SAFB2: variants seen among roughly 807,000 people sequenced by gnomAD.
SAFB2 encodes the protein scaffold attachment factor B2.
A neutral mutation model predicts 100.6 loss-of-function variants in SAFB2; 32 were observed. The ratio of observed to expected loss-of-function variants is 0.32; its 90% CI spans 0.24 to 0.43. The LOEUF (loss-of-function observed/expected upper bound fraction) is 0.43, where lower values mean the gene tolerates loss of function less well. Ranked by LOEUF, SAFB2 falls within the 20% of genes least tolerant of loss-of-function variation. The pLI, the probability that SAFB2 is intolerant of heterozygous loss-of-function variation, is 1.00. For missense variants in SAFB2, 1,185 were observed against 1,163.4 expected (o/e 1.02, Z -0.27); for synonymous variants, 500 against 439.4 (o/e 1.14, Z -1.72).
At chr19:5,615,978 C>T in intron 4 of SAFB2, 154 bp downstream of exon 4, 2 of 654,396 alleles carry the variant, frequency 3.1e-6, no homozygotes, top group Non-Finnish European at 5.3e-6. Flanking sequence ...CTGAGCTACA[C>T]AGCGTTTAAA....
rs1257224485 is a variant in SAFB2, at chr19:5,616,169, T to C, written c.506A>G (p.Gln169Arg). The change falls in exon 4 of 21, where the codon CAG becomes CGG. Residue 169 changes from glutamine to arginine, a missense_variant. Coordinates refer to ENST00000252542, the MANE Select transcript of SAFB2 (RefSeq NM_014649.3). ...FCDSKEYVAA[Q>R]LRQLPAQPPE... ...GGGCTGAGCCGGGAGCTGTCTCAGC[T>C]GTGCAGCCACGTATTCTTTACTATC... 5 of 1,614,244 alleles carry C rather than the reference T, an allele frequency of 3.1e-6. No homozygotes were observed. The highest frequency in any genetic ancestry group is 4.2e-6 in the Non-Finnish European group (5 of 1,180,042).
chr19:5,609,900 A>G (rs1328076995), intron 9 of SAFB2, 95 bp downstream of exon 9: 8 of 1,097,788 alleles, frequency 7.3e-6, no homozygotes, highest in Non-Finnish European at 1.1e-5. Context: ...AGCCTCCCAA[A>G]CTGCTGGGAT....
rs200845160 is a variant in SAFB2 at position 5,610,665 on chromosome 19, A to T, written c.1169T>A (p.Ile390Lys). Residue 390 changes from isoleucine to lysine, a missense_variant, in exon 8 of 21, where the codon ATA (isoleucine) becomes AAA (lysine). Transcript: ENST00000252542. ...KMSSFKEEKDIKPIIKDEKGR... is the reference protein window; with the variant it reads ...KMSSFKEEKDKKPIIKDEKGR... ...TTTTTCATCTTTAATGATTGGCTTTATATCTTTTTCTTCCTTAAAAGAGCT... is the reference window on the plus strand; with the variant it reads ...TTTTTCATCTTTAATGATTGGCTTTTTATCTTTTTCTTCCTTAAAAGAGCT... 3 of 1,571,826 alleles carry T rather than the reference A, an allele frequency of 1.9e-6. No individual in the cohort carries two copies. The highest frequency in any genetic ancestry group is 2.7e-5 in the African/African-American group (2 of 73,852).
rs2052267433 is a variant in SAFB2, at chr19:5,587,123, A to G, written c.*120T>C. ...AAAAAAGTGAGTTCACATTGTATTG[A>G]GCTACAACATGGTGGCAGGATTTAC... On this transcript the variant is annotated 3_prime_UTR_variant, in exon 21 of 21. Transcript: ENST00000252542. This position sits in a 1 kb window ranked among gnomAD's most constrained non-coding sequence, Gnocchi z 4.9. The G allele has an allele frequency of 7.9e-7, 1 of 1,260,814 alleles. No homozygotes were observed. The highest frequency in any genetic ancestry group is 1.1e-6 in the Non-Finnish European group (1 of 897,974). The allele number at this position is 1,260,814 out of a possible 1,614,324, so 78.1% of individuals were successfully genotyped here.
intron 13 of SAFB2, 77 bp from the exon 14 acceptor site, chr19:5,595,574 A>C: frequency 1.3e-6 from 2 of 1,544,722 alleles, no homozygotes; most frequent in Non-Finnish European, 1.8e-6. Flanking sequence ...GCACGTGTGC[A>C]TGAGACTAAG....
In SAFB2 at chr19:5,587,499, G is replaced by GT. The variant is rs1276005268; in HGVS notation, c.2706-101dup. The GT allele has an allele frequency of 8.1e-6, 12 of 1,485,470 alleles. No homozygotes were observed. Among genetic ancestry groups the GT allele is most frequent in the South Asian group, 4.0e-5 (3 of 75,240 alleles). The allele number at this position is 1,485,470 out of a possible 1,614,324, so 92.0% of individuals were successfully genotyped here. On this transcript the variant is annotated intron_variant, in intron 20 of 20. Transcript: ENST00000252542. The surrounding 1 kb of genome is among the most constrained non-coding windows in gnomAD (Gnocchi z 4.9). ...GTCCCGCAGCCTTTAGAGCGCTTGGGTTTTTTTTCCAGGTGAGAAAAATCA... is the reference window on the plus strand; with the variant it reads ...GTCCCGCAGCCTTTAGAGCGCTTGGGTTTTTTTTTCCAGGTGAGAAAAATCA...
intron 2 of SAFB2, among the ~76,000 whole-genome samples, 157 bp from the exon 3 acceptor site, chr19:5,616,643 C>CTTTTTTTTT (rs60033130): frequency 1.5e-4 from 11 of 72,806 alleles, no homozygotes; most frequent in South Asian, 6.8e-4. Flanking sequence ...AATTTGTTTT[C>CTTTTTTTTT]TTTTTTTTTT....
In SAFB2 at chr19:5,587,427, C is replaced by T. The variant is rs1480383417; in HGVS notation, c.2706-28G>A. 1 of 1,588,504 alleles carries T rather than the reference C, an allele frequency of 6.3e-7. No homozygotes were observed. The highest frequency in any genetic ancestry group is 2.3e-5 in the East Asian group (1 of 43,924). On this transcript the variant is annotated intron_variant, in intron 20 of 20. Transcript: ENST00000252542. This position sits in a 1 kb window ranked among gnomAD's most constrained non-coding sequence, Gnocchi z 4.9. Reference sequence around the variant, plus strand: ...AGGAACAAAGTCAGACAATTTTTTTCCCCTTGAAGTGCTCAGCGTTTTCAT... The same window carrying T: ...AGGAACAAAGTCAGACAATTTTTTTTCCCTTGAAGTGCTCAGCGTTTTCAT...
At chr19:5,619,839 C>T (rs1220699669) in intron 2 of SAFB2, among the ~76,000 whole-genome samples, 1 of 148,908 alleles carries the variant, frequency 6.7e-6, no homozygotes, top group East Asian at 1.9e-4. Context: ...CAGCAAAACT[C>T]CATCGCAAAA....
chr19:5,613,475 T>A lies in SAFB2; in HGVS notation c.596A>T (p.Lys199Ile). 6.2e-7 allele frequency: 1 copy of A among 1,613,504 alleles called. No homozygotes were observed. Among genetic ancestry groups the A allele is most frequent in the Non-Finnish European group, 8.5e-7 (1 of 1,179,668 alleles). ...NTLETSSLNF[K>I]VTPDIEESLL... Reference sequence around the variant, plus strand: ...CAGATGGTAACTTACCGGAGTTACTTTGAAGTTCAACGATGAAGTTTCCAA... The same window carrying A: ...CAGATGGTAACTTACCGGAGTTACTATGAAGTTCAACGATGAAGTTTCCAA... Residue 199 changes from lysine (K) to isoleucine (I), a missense_variant, in exon 5 of 21, where the codon AAA becomes ATA. Lys to Ile is a moderately radical substitution (Grantham distance 102). Coordinates refer to ENST00000252542, the MANE Select transcript of SAFB2 (RefSeq NM_014649.3).
chr19:5,593,000 A>T, intron 15 of SAFB2, 113 bp from the exon 16 acceptor site: 7 of 955,166 alleles, frequency 7.3e-6, no homozygotes, highest in Non-Finnish European at 1.1e-5. Flanking sequence ...AGTATCGTTT[A>T]AAATGTCCTG....
chr19:5,610,002 T>C lies in SAFB2; in HGVS notation c.1289A>G (p.Tyr430Cys). ...AGGCAAGGGAAGGCATACCTTCCCA[T>C]ACTTGCTGAAAAGGTTCTTGAGATC... ...ATDLKNLFSK[Y>C]GKVVGAKVVT... The change falls in exon 9 of 21, where the codon TAT becomes TGT. Residue 430 changes from tyrosine to cysteine, a missense_variant. Physicochemically the swap from Tyr to Cys is radical, Grantham distance 194 (BLOSUM62 -2). Transcript: ENST00000252542. 2 of 1,613,836 alleles carry C rather than the reference T, an allele frequency of 1.2e-6. No individual in the cohort carries two copies. Among genetic ancestry groups the C allele is most frequent in the Non-Finnish European group, 1.7e-6 (2 of 1,179,804 alleles).
In SAFB2 at chr19:5,613,668, T is replaced by G. The variant is rs979586006; in HGVS notation, c.544-141A>C. On this transcript the variant is annotated intron_variant, in intron 4 of 20. Transcript: ENST00000252542. ...CAAGTCTACTGTTGGGTCATTCAGTTCAGCACCTGCCTCTCCGCCAGAACA... is the reference window on the plus strand; with the variant it reads ...CAAGTCTACTGTTGGGTCATTCAGTGCAGCACCTGCCTCTCCGCCAGAACA... 16 of 1,464,680 alleles carry G rather than the reference T, an allele frequency of 1.1e-5. No individual in the cohort carries two copies. In the South Asian group the frequency reaches 2.3e-4, roughly 21 times the overall value. The allele number at this position is 1,464,680 out of a possible 1,614,324, so 90.7% of individuals were successfully genotyped here. A position where few individuals can be genotyped will look rare whatever the true frequency, so the allele number is the denominator to read the frequency against.
intron 18 of SAFB2, 123 bp from the exon 19 acceptor site, chr19:5,588,103 C>A: frequency 1.2e-6 from 1 of 810,830 alleles, no homozygotes; most frequent in South Asian, 1.9e-5. Context: ...GGCTGCATGT[C>A]AAGTGGGCAA....
intron 7 of SAFB2, 24 bp downstream of exon 7, chr19:5,611,096 G>A: frequency 2.9e-6 from 1 of 350,770 alleles, no homozygotes; most frequent in Non-Finnish European, 5.1e-6. Context: ...ATAGCGTCTG[G>A]TCTAAAACTG....
At chr19:5,592,649 A>G in intron 16 of SAFB2, 98 bp downstream of exon 16, 1 of 1,389,012 alleles carries the variant, frequency 7.2e-7, no homozygotes, top group Admixed American at 1.9e-5. Flanking sequence ...GAGGCTTCAG[A>G]GCACACAGGA....
chr19:5,589,449 C>A (rs1017094379), intron 18 of SAFB2, among the ~76,000 whole-genome samples: 1 of 151,952 alleles, frequency 6.6e-6, no homozygotes, highest in Non-Finnish European at 1.5e-5. Flanking sequence ...AACGGGGGAG[C>A]ACAGGGGGCC....
chr19:5,604,451 G>A (rs1180910645), intron 11 of SAFB2, 132 bp downstream of exon 11: 1 of 635,736 alleles, frequency 1.6e-6, no homozygotes, highest in Non-Finnish European at 2.8e-6. Context: ...AAAATCAGCT[G>A]AGACTCCAGC....
intron 15 of SAFB2, 150 bp from the exon 16 acceptor site, chr19:5,593,037 A>G (rs1262379639): frequency 5.5e-6 from 4 of 724,174 alleles, no homozygotes; most frequent in Non-Finnish European, 6.8e-6. Flanking sequence ...ACATTCGATC[A>G]TCATTGCTTT....
Sources: allele counts gnomAD v4.1 joint callset (sites outside exome capture counted in the v4.1 genomes callset), GRCh38; gene constraint gnomAD v4.1.1; non-coding constraint Gnocchi (gnomAD v3.1); transcripts MANE v1.5; gene names NCBI Gene and HGNC (gene_info 2026-07-23, HGNC 2026-07-21).